Variants in COL12A1 observed in about 807,000 individuals in gnomAD.
The protein encoded by COL12A1 is collagen type XII alpha 1 chain, also known as collagen alpha-1(XII) chain.
In COL12A1, 114 loss-of-function variants were observed where a neutral mutation model predicts 349.7. That is an observed-to-expected ratio of 0.33 (90% CI 0.28 to 0.38). The LOEUF is 0.38. Ranked by LOEUF, COL12A1 falls within the 10% of genes least tolerant of loss-of-function variation. The pLI, the probability that COL12A1 is intolerant of heterozygous loss-of-function variation, is 1.00. For missense variants in COL12A1, 3,284 were observed against 3,756.9 expected, an observed-to-expected ratio of 0.87 and a Z score of 3.29; for synonymous variants, 1,369 against 1,329.0, an observed-to-expected ratio of 1.03 and a Z score of -0.66.
chr6:75,193,897 G>A (rs1770085728), intron 3 of COL12A1, among the ~76,000 whole-genome samples: 1 of 152,166 alleles, frequency 6.6e-6, no homozygotes, highest in South Asian at 2.1e-4. Flanking sequence ...CCCTATAAAT[G>A]ACATGAACTC....
intron 24 of COL12A1, among the ~76,000 whole-genome samples, chr6:75,145,793 G>A (rs372679907): frequency 9.9e-5 from 15 of 151,784 alleles, no homozygotes; most frequent in Admixed American, 3.9e-4. Flanking sequence ...CACCACACCC[G>A]ACTAATTTTT....
At position 75,123,418 on chromosome 6, in the gene COL12A1, A is replaced by T; in HGVS notation, c.6872-14T>A. On this transcript the variant is annotated splice_polypyrimidine_tract_variant and intron_variant, in intron 42 of 65. Coordinates refer to ENST00000322507, the MANE Select transcript of COL12A1 (RefSeq NM_004370.6). ...TTGGTTTCACAGCTAAAATTTAAAA[A>T]TAATAATTATAAAAACACACCATGT... The T allele has an allele frequency of 6.5e-7, 1 of 1,536,412 alleles. No individual in the cohort carries two copies. Among genetic ancestry groups the T allele is most frequent in the East Asian group, 2.4e-5 (1 of 40,870 alleles).
rs1337671441 is a variant in COL12A1 at position 75,131,075 on chromosome 6, G to A, written c.5938-94C>T. On this transcript the variant is annotated intron_variant, in intron 35 of 65. Coordinates refer to ENST00000322507, the MANE Select transcript of COL12A1 (RefSeq NM_004370.6). ...ATCACAATAGTATTTATAATAAAATGTTGAGCCCAGACACATCAGAAGCCA... is the reference window on the plus strand; with the variant it reads ...ATCACAATAGTATTTATAATAAAATATTGAGCCCAGACACATCAGAAGCCA... The A allele has an allele frequency of 3.3e-6, 5 of 1,521,546 alleles. No homozygotes were observed. The African/African-American group carries it at 4.1e-5, about 12-fold the overall frequency. 94.3% of individuals were successfully genotyped at this position (1,521,546 alleles called of 1,614,324 possible).
chr6:75,178,692 A>G (rs1307463860), intron 11 of COL12A1, among the ~76,000 whole-genome samples: 1 of 152,228 alleles, frequency 6.6e-6, no homozygotes, highest in Non-Finnish European at 1.5e-5. Flanking sequence ...GATGAACTAA[A>G]GGTCTTTGTC....
chr6:75,175,426 A>C, intron 12 of COL12A1, 116 bp from the exon 13 acceptor site: 1 of 1,226,962 alleles, frequency 8.2e-7, no homozygotes, highest in Non-Finnish European at 1.1e-6. Flanking sequence ...CCTGGGTGAG[A>C]CTATGACAAT....
chr6:75,191,241 T>C (rs1457680678), intron 5 of COL12A1, among the ~76,000 whole-genome samples: 1 of 152,004 alleles, frequency 6.6e-6, no homozygotes, highest in Non-Finnish European at 1.5e-5. Context: ...GAGCATAACA[T>C]ACACACAGAC....
rs116922321 is a variant in COL12A1 at position 75,149,604 on chromosome 6, C to T, written c.4148-1107G>A. Among the ~76,000 whole-genome samples the T allele has an allele frequency of 6.4e-3, 971 of 152,060 alleles. 5 individuals carry two copies. The highest frequency in any genetic ancestry group is 9.0e-3 in the Non-Finnish European group (611 of 67,972). ...CTCAATATGTCTAACAGGAAAATGG[C>T]CCAAATAATAATTAAAAGAGAAAGG... is the stretch of plus-strand genomic sequence containing the variant. On this transcript the variant is annotated intron_variant, in intron 21 of 65. Coordinates refer to ENST00000322507, the MANE Select transcript of COL12A1 (RefSeq NM_004370.6).
At position 75,113,719 on chromosome 6, in the gene COL12A1, G is replaced by C. The variant is rs1768945973; in HGVS notation, c.7723C>G (p.Pro2575Ala). The C allele has an allele frequency of 1.3e-6, 2 of 1,597,364 alleles. No individual in the cohort carries two copies. The highest frequency in any genetic ancestry group is 1.7e-6 in the Non-Finnish European group (2 of 1,169,164). The change falls in exon 50 of 66, where the codon CCT becomes GCT. Residue 2575 changes from proline (P) to alanine (A), a missense_variant. Physicochemically the swap from Pro to Ala is conservative, Grantham distance 27. Around this residue, in one of 2 missense-constraint regions of COL12A1, gnomAD observed 683 missense variants for 932.1 expected, o/e 0.73. Transcript: ENST00000322507. ...TADLHPNGLPPSYTIILLFRL... is the reference protein window; with the variant it reads ...TADLHPNGLPASYTIILLFRL... ...AATAATAATATAATCGTGTATGAAG[G>C]AGGGAGTCCATTTGGGTGTAGGTCT...
chr6:75,089,520 T>A (rs2149325939), intron 63 of COL12A1, among the ~76,000 whole-genome samples: 1 of 152,358 alleles, frequency 6.6e-6, no homozygotes, highest in East Asian at 1.9e-4. Flanking sequence ...TTAGTAGCCC[T>A]ATTAGTACAG....
chr6:75,135,354 A>G (rs537107675), intron 31 of COL12A1, among the ~76,000 whole-genome samples: 1 of 152,172 alleles, frequency 6.6e-6, no homozygotes, highest in African/African-American at 2.4e-5. Flanking sequence ...GAACACTGTC[A>G]CTCTAACAGC....
chr6:75,087,290 A>G (rs1277595493), intron 65 of COL12A1: 1 of 402,892 alleles, frequency 2.5e-6, no homozygotes, highest in Non-Finnish European at 4.4e-6. Flanking sequence ...AGAAAAAAAA[A>G]AAGTCAATTA....
At chr6:75,123,067 G>T (rs1765825847) in intron 43 of COL12A1, among the ~76,000 whole-genome samples, 1 of 152,174 alleles carries the variant, frequency 6.6e-6, no homozygotes, top group Non-Finnish European at 1.5e-5. Context: ...GACCATGGAA[G>T]ACCTAAATCT....
chr6:75,127,882 C>T (rs78352822), intron 38 of COL12A1, among the ~76,000 whole-genome samples: 1 of 152,180 alleles, frequency 6.6e-6, no homozygotes, highest in African/African-American at 2.4e-5. Flanking sequence ...AATGATTGCT[C>T]ATCATCTCAT....
At chr6:75,089,562 A>G (rs1427379570) in intron 63 of COL12A1, among the ~76,000 whole-genome samples, 6 of 152,218 alleles carry the variant, frequency 3.9e-5, no homozygotes, top group Non-Finnish European at 8.8e-5. Flanking sequence ...AGAAATATGT[A>G]GGTTTTCTCT....
At chr6:75,178,546 C>T (rs1405746009) in intron 11 of COL12A1, among the ~76,000 whole-genome samples, 1 of 152,248 alleles carries the variant, frequency 6.6e-6, no homozygotes, top group Non-Finnish European at 1.5e-5. Context: ...GTAACACCCA[C>T]AGACTCATAA....
intron 31 of COL12A1, 116 bp downstream of exon 31, chr6:75,137,321 A>G (rs1766666280): frequency 1.0e-6 from 1 of 990,322 alleles, no homozygotes; most frequent in East Asian, 2.7e-5. Flanking sequence ...ATCCAATGCG[A>G]TAAATCTTAA....
Position 75,138,816 on chromosome 6 carries a change from A to T in COL12A1, c.5097+6T>A, listed in dbSNP as rs200486517. ...GACAGAGAGAAAGATAAAGAGAGTTAACTACCTCCATCTTATCTGAGCTTC... is the reference window on the plus strand; with the variant it reads ...GACAGAGAGAAAGATAAAGAGAGTTTACTACCTCCATCTTATCTGAGCTTC... On this transcript the variant is annotated splice_donor_region_variant and intron_variant, in intron 28 of 65. Transcript: ENST00000322507. 12 of 1,613,734 alleles carry T rather than the reference A, an allele frequency of 7.4e-6. No homozygotes were observed. Among genetic ancestry groups the T allele is most frequent in the Non-Finnish European group, 1.0e-5 (12 of 1,179,860 alleles).
Position 75,155,664 on chromosome 6 carries a change from A to C in COL12A1, c.3441T>G (p.Leu1147=). Residue 1147 remains leucine (L), a splice_region_variant and synonymous_variant, in exon 16 of 66, where the codon CTT becomes CTG. Transcript: ENST00000322507. ...ATACAAACGTAGTTAATTCCTACCTAAGTTCCTCCAAAACAACTGTGTTGT... is the reference window on the plus strand; with the variant it reads ...ATACAAACGTAGTTAATTCCTACCTCAGTTCCTCCAAAACAACTGTGTTGT... ...PYDNTVVLEE[L]RAGTTYKVNV... is the part of the protein sequence containing the mutation. 1 of 1,600,206 alleles carries C rather than the reference A, an allele frequency of 6.2e-7. No individual in the cohort carries two copies. The highest frequency in any genetic ancestry group is 8.5e-7 in the Non-Finnish European group (1 of 1,175,512).
At chr6:75,108,951 T>G in intron 52 of COL12A1, 67 bp downstream of exon 52, 1 of 1,475,336 alleles carries the variant, frequency 6.8e-7, no homozygotes, top group Non-Finnish European at 9.3e-7. Flanking sequence ...ACTCAAGGAG[T>G]TGTTTAGAAA....
Sources: allele counts gnomAD v4.1 joint callset (sites outside exome capture counted in the v4.1 genomes callset), GRCh38; gene constraint gnomAD v4.1.1; regional missense constraint gnomAD v4.1.1; transcripts MANE v1.5; gene names NCBI Gene and HGNC (gene_info 2026-07-23, HGNC 2026-07-21).